The following PAQR5 variants were observed in gnomAD, a reference collection of about 807,000 sequenced individuals.
PAQR5 encodes the protein membrane progestin receptor gamma.
PAQR5 carries 20 observed loss-of-function variants against 34.5 expected under a neutral mutation model. The ratio of observed to expected loss-of-function variants is 0.58; its 90% CI spans 0.41 to 0.84. The LOEUF is 0.84. Among genes scored for constraint, PAQR5 ranks in the 40% least tolerant of loss-of-function variants. PAQR5 has a pLI of 0.00. For synonymous variants in PAQR5, 131 were observed against 155.6 expected (o/e 0.84, Z 1.18); for missense variants, 378 against 412.7 (o/e 0.92, Z 0.73).
chr15:69,404,664 T>C lies in PAQR5; in HGVS notation c.*842T>C. The C allele has an allele frequency of 3.2e-6, 1 of 316,400 alleles. No individual in the cohort carries two copies. The highest frequency in any genetic ancestry group is 2.1e-5 in the African/African-American group (1 of 46,890). 19.6% of individuals were successfully genotyped at this position (316,400 alleles called of 1,614,324 possible). On this transcript the variant is annotated 3_prime_UTR_variant, in exon 9 of 9. Coordinates refer to ENST00000395407, the MANE Select transcript of PAQR5 (RefSeq NM_017705.4). ...TTTAAACCAATGGAAATTGCTATAT[T>C]TGGGGATGTCATACATTTGATATTG...
intron 3 of PAQR5, among the ~76,000 whole-genome samples, chr15:69,360,520 C>G (rs1008699455): frequency 4.6e-5 from 7 of 152,182 alleles, no homozygotes; most frequent in African/African-American, 1.7e-4. Context: ...CTTTGCTCAT[C>G]CCCATTACTT....
rs187897085 is a variant in PAQR5 at position 69,322,355 on chromosome 15, G to A, written c.-276-14986G>A. 3.7e-3 allele frequency among the ~76,000 whole-genome samples: 546 copies of A among 149,310 alleles called. 10 individuals carry two copies. The highest frequency in any genetic ancestry group is 5.5e-3 in the Non-Finnish European group (374 of 67,872). On this transcript the variant is annotated intron_variant, in intron 1 of 8. Transcript: ENST00000395407. ...ATACAAAAATCAGCTGGGCGCGGTA[G>A]CGGGCACCTGTAATCCCAGCTACTT...
intron 1 of PAQR5, among the ~76,000 whole-genome samples, chr15:69,322,199 C>T (rs1448038422): frequency 6.7e-6 from 1 of 148,840 alleles, no homozygotes; most frequent in African/African-American, 2.5e-5. Flanking sequence ...TAGCCAGGGC[C>T]GGGTGCAGTG....
intron 3 of PAQR5, among the ~76,000 whole-genome samples, chr15:69,363,516 G>A (rs187598577): frequency 2.0e-5 from 3 of 149,182 alleles, no homozygotes; most frequent in East Asian, 2.0e-4. Context: ...CAAGAACATC[G>A]AGTGTCAAAT....
At chr15:69,382,107 C>T (rs1182115214) in intron 4 of PAQR5, among the ~76,000 whole-genome samples, 1 of 152,140 alleles carries the variant, frequency 6.6e-6, no homozygotes, top group Non-Finnish European at 1.5e-5. Flanking sequence ...AGTGGAGGAA[C>T]AGTGTGGAGG....
chr15:69,390,320 TTTTA>T (rs201330461), intron 6 of PAQR5, among the ~76,000 whole-genome samples: 1,793 of 133,418 alleles, frequency 0.013, 61 homozygotes, highest in African/African-American at 0.045. Flanking sequence ...CTGACCTGTT[TTTTA>T]TTTATTTATT....
At chr15:69,352,903 G>T (rs1051976056) in intron 2 of PAQR5, among the ~76,000 whole-genome samples, 1 of 152,224 alleles carries the variant, frequency 6.6e-6, no homozygotes, top group Non-Finnish European at 1.5e-5. Flanking sequence ...GGCAAAAGAG[G>T]TGAAGATATT....
At chr15:69,310,143 ATC>A (rs2140537645) in intron 1 of PAQR5, among the ~76,000 whole-genome samples, 1 of 152,266 alleles carries the variant, frequency 6.6e-6, no homozygotes, top group South Asian at 2.1e-4. Context: ...TATTTAACTA[ATC>A]TGTTTTTTGG....
At chr15:69,319,920 G>A (rs911813786) in intron 1 of PAQR5, among the ~76,000 whole-genome samples, 3 of 152,168 alleles carry the variant, frequency 2.0e-5, no homozygotes, top group Admixed American at 6.5e-5. Flanking sequence ...TCTTCTCTGG[G>A]TCTCCTTCCT....
chr15:69,325,059 C>T (rs781739914), intron 1 of PAQR5, among the ~76,000 whole-genome samples: 10 of 152,018 alleles, frequency 6.6e-5, no homozygotes, highest in African/African-American at 1.7e-4. Context: ...CCACCATGCC[C>T]GGCTAATTTT....
intron 1 of PAQR5, among the ~76,000 whole-genome samples, chr15:69,325,623 GAA>G (rs2054232990): frequency 1.5e-5 from 2 of 129,038 alleles, no homozygotes; most frequent in African/African-American, 5.4e-5. Context: ...ATGAATGAAT[GAA>G]TGATCAAGCA....
intron 6 of PAQR5, among the ~76,000 whole-genome samples, chr15:69,396,136 T>C (rs2056423376): frequency 1.3e-5 from 2 of 150,914 alleles, no homozygotes; most frequent in South Asian, 4.2e-4. Flanking sequence ...AACTGCCCAA[T>C]GTGGAAGTCC....
intron 3 of PAQR5, among the ~76,000 whole-genome samples, chr15:69,366,946 T>A (rs1046820742): frequency 6.6e-6 from 1 of 152,160 alleles, no homozygotes; most frequent in African/African-American, 2.4e-5. Flanking sequence ...TATCTTTATA[T>A]CTAGTAATGC....
At chr15:69,399,846 T>C in intron 7 of PAQR5, 128 bp from the exon 8 acceptor site, 1 of 900,474 alleles carries the variant, frequency 1.1e-6, no homozygotes, top group Non-Finnish European at 1.7e-6. Context: ...GCCTCTGGAG[T>C]TTGTGTATGT....
intron 7 of PAQR5, 144 bp downstream of exon 7, chr15:69,397,708 C>A (rs2056490324): frequency 1.5e-6 from 1 of 665,942 alleles, no homozygotes; most frequent in Admixed American, 2.5e-5. Flanking sequence ...GGGCCAGCCC[C>A]TCCACACCTG....
At chr15:69,389,307 G>A (rs1055663815) in intron 5 of PAQR5, among the ~76,000 whole-genome samples, 29 of 152,240 alleles carry the variant, frequency 1.9e-4, no homozygotes, top group African/African-American at 7.0e-4. Flanking sequence ...CTCTCTAGCT[G>A]CAGGACCCTG....
intron 3 of PAQR5, among the ~76,000 whole-genome samples, chr15:69,373,763 C>T (rs1291006289): frequency 1.3e-5 from 2 of 152,090 alleles, no homozygotes; most frequent in African/African-American, 4.8e-5. Flanking sequence ...TCTATCATGT[C>T]CCACTAATTT....
chr15:69,350,854 G>A (rs1307893132), intron 2 of PAQR5, among the ~76,000 whole-genome samples: 4 of 152,162 alleles, frequency 2.6e-5, no homozygotes, highest in African/African-American at 9.7e-5. Flanking sequence ...CTTTCTCCCA[G>A]GCTTCGCCAA....
intron 1 of PAQR5, among the ~76,000 whole-genome samples, chr15:69,325,723 G>A (rs973331780): frequency 3.3e-5 from 5 of 152,138 alleles, no homozygotes; most frequent in African/African-American, 4.8e-5. Flanking sequence ...TACCAAGTTC[G>A]CTGCCTCTCA....
Sources: allele counts gnomAD v4.1 joint callset (sites outside exome capture counted in the v4.1 genomes callset), GRCh38; gene constraint gnomAD v4.1.1; transcripts MANE v1.5; gene names NCBI Gene and HGNC (gene_info 2026-07-23, HGNC 2026-07-21).